The following ACTN2 variants were observed in gnomAD, a reference collection of about 807,000 sequenced individuals.
ACTN2 encodes alpha-actinin-2.
ACTN2 carries 39 observed loss-of-function variants against 113.8 expected under a neutral mutation model. That is an observed-to-expected ratio of 0.34 (90% CI 0.27 to 0.45). The LOEUF (loss-of-function observed/expected upper bound fraction) is 0.45. Ranked by LOEUF, ACTN2 falls within the 20% of genes least tolerant of loss-of-function variation. ACTN2 has a pLI of 1.00. For missense variants in ACTN2, 992 were observed against 1,177.9 expected (o/e 0.84, Z 2.31); for synonymous variants, 429 against 444.1 (o/e 0.97, Z 0.43).
intron 17 of ACTN2, 120 bp downstream of exon 17, chr1:236,755,318 G>A (rs1421294532): frequency 8.3e-7 from 1 of 1,202,330 alleles, no homozygotes; most frequent in Non-Finnish European, 1.2e-6. Flanking sequence ...AAGTATGAAA[G>A]TTAGGGATCT....
chr1:236,751,768 G>A, intron 15 of ACTN2, 116 bp downstream of exon 15: 2 of 1,280,172 alleles, frequency 1.6e-6, no homozygotes, highest in South Asian at 2.5e-5. Context: ...TCATGATCAG[G>A]ATTTTCCTTT....
At chr1:236,687,133 A>G (rs1204652035) in intron 1 of ACTN2, among the ~76,000 whole-genome samples, 1 of 151,884 alleles carries the variant, frequency 6.6e-6, no homozygotes, top group Non-Finnish European at 1.5e-5. Flanking sequence ...CCCCCGAGTT[A>G]TACTCTCCTG....
At chr1:236,704,234 CT>C (rs1014874179) in intron 1 of ACTN2, among the ~76,000 whole-genome samples, 6 of 152,168 alleles carry the variant, frequency 3.9e-5, no homozygotes, top group African/African-American at 1.4e-4. Context: ...CACTCTCTGT[CT>C]TCATGGAAGT....
intron 1 of ACTN2, among the ~76,000 whole-genome samples, chr1:236,717,432 C>A (rs1450670895): frequency 1.3e-5 from 2 of 152,050 alleles, no homozygotes; most frequent in Non-Finnish European, 2.9e-5. Flanking sequence ...GCTGGATGAC[C>A]CTGTCTCCAA....
chr1:236,753,860 C>CCCCCCAAAGAAAAAA, intron 15 of ACTN2, 87 bp from the exon 16 acceptor site: 1 of 1,320,870 alleles, frequency 7.6e-7, no homozygotes, highest in Non-Finnish European at 1.1e-6. Context: ...CTCCCACCCC[C>CCCCCCAAAGAAAAAA]ACCCCTTGGA....
At chr1:236,725,644 G>A (rs1658526571) in intron 4 of ACTN2, among the ~76,000 whole-genome samples, 1 of 139,460 alleles carries the variant, frequency 7.2e-6, no homozygotes, top group Admixed American at 7.1e-5. Flanking sequence ...ATTAAAAAAA[G>A]TATTTTCATT....
chr1:236,715,360 A>T (rs577136348), intron 1 of ACTN2, among the ~76,000 whole-genome samples: 137 of 137,094 alleles, frequency 1.0e-3, no homozygotes, highest in African/African-American at 3.5e-3. Flanking sequence ...CCTATTACTC[A>T]TTCAAAAAAT....
intron 1 of ACTN2, among the ~76,000 whole-genome samples, chr1:236,700,369 AG>A (rs1558223537): frequency 6.6e-6 from 1 of 152,016 alleles, no homozygotes. Flanking sequence ...ATATTTTTAG[AG>A]GTGACTTTTC....
At position 236,704,285 on chromosome 1, in the gene ACTN2, C is replaced by T. The variant is rs75060794; in HGVS notation, c.127-13573C>T. On this transcript the variant is annotated intron_variant, in intron 1 of 20. Transcript: ENST00000366578. ...ACTCAAACTGTGTTTTCTCTTCTCA[C>T]ACCACAACAGTCAACCCAGAAGACT... 6.5e-3 allele frequency among the ~76,000 whole-genome samples: 989 copies of T among 152,328 alleles called. 8 individuals are homozygous for T. The highest frequency in any genetic ancestry group is 0.023 in the African/African-American group (950 of 41,574).
chr1:236,704,232 G>T (rs1417529697), intron 1 of ACTN2, among the ~76,000 whole-genome samples: 1 of 152,144 alleles, frequency 6.6e-6, no homozygotes, highest in South Asian at 2.1e-4. Context: ...ATCACTCTCT[G>T]TCTTCATGGA....
intron 11 of ACTN2, 121 bp from the exon 12 acceptor site, chr1:236,744,505 G>GCATCTCTGGCCTGCATCTTCAGTCCT: frequency 4.1e-6 from 5 of 1,214,640 alleles, no homozygotes; most frequent in Non-Finnish European, 5.9e-6. Flanking sequence ...CTTCAGTCCT[G>GCATCTCTGGCCTGCATCTTCAGTCCT]CCCCTCTCTG....
chr1:236,708,710 G>T (rs897073109), intron 1 of ACTN2, among the ~76,000 whole-genome samples: 3 of 152,176 alleles, frequency 2.0e-5, no homozygotes, highest in Non-Finnish European at 2.9e-5. Flanking sequence ...GGCCTTGCTG[G>T]CTGGGGGGAT....
intron 20 of ACTN2, among the ~76,000 whole-genome samples, chr1:236,761,971 G>A (rs958757836): frequency 2.0e-5 from 3 of 152,162 alleles, no homozygotes; most frequent in Admixed American, 6.5e-5. Context: ...TAGAAGGTAA[G>A]AAACCATGGC....
At chr1:236,706,274 A>G (rs1657821791) in intron 1 of ACTN2, among the ~76,000 whole-genome samples, 1 of 152,168 alleles carries the variant, frequency 6.6e-6, no homozygotes, top group African/African-American at 2.4e-5. Flanking sequence ...GTTGACTTGT[A>G]TCCTCTTTGA....
At position 236,721,022 on chromosome 1, in the gene ACTN2, GTT is replaced by G. The variant is rs869077774; in HGVS notation, c.448+853_448+854del. 3.3e-3 allele frequency among the ~76,000 whole-genome samples: 221 copies of G among 66,496 alleles called. 44 individuals carry two copies. The highest frequency in any genetic ancestry group is 4.6e-3 in the African/African-American group (74 of 16,044). 43.6% of individuals were successfully genotyped at this position (66,496 alleles called of 152,430 possible). ...CCTCTGACTCTGGTTTTTGTTTTTT[GTT>G]TTTTTTTTTTTTTTTTTTTTTGAGA... On this transcript the variant is annotated intron_variant, in intron 4 of 20. Coordinates refer to ENST00000366578, the MANE Select transcript of ACTN2 (RefSeq NM_001103.4).
Position 236,686,591 on chromosome 1 carries a change from G to C in ACTN2, c.-83G>C. 1 of 1,400,376 alleles carries C rather than the reference G, an allele frequency of 7.1e-7. No individual in the cohort carries two copies. Among genetic ancestry groups the C allele is most frequent in the Admixed American group, 3.4e-5 (1 of 29,244 alleles). 86.7% of individuals were successfully genotyped at this position (1,400,376 alleles called of 1,614,324 possible). A position where few individuals can be genotyped will look rare whatever the true frequency, so the allele number is the denominator to read the frequency against. ...ACCCCGCGCCCGCCGCCCGCCGCCC[G>C]CCGCCTCCGTGGGTCCGTTTGCCAG... On this transcript the variant is annotated 5_prime_UTR_variant, in exon 1 of 21. Transcript: ENST00000366578.
At chr1:236,692,111 C>G (rs1228982653) in intron 1 of ACTN2, among the ~76,000 whole-genome samples, 1 of 152,180 alleles carries the variant, frequency 6.6e-6, no homozygotes, top group Non-Finnish European at 1.5e-5. Flanking sequence ...CAGGCAAAAG[C>G]CTGTTATGGG....
At chr1:236,705,076 C>T (rs1417599860) in intron 1 of ACTN2, among the ~76,000 whole-genome samples, 1 of 152,082 alleles carries the variant, frequency 6.6e-6, no homozygotes, top group Non-Finnish European at 1.5e-5. Context: ...AATTAGAGTC[C>T]CTCCAGGGAA....
At chr1:236,759,262 A>G (rs1371753349) in intron 18 of ACTN2, among the ~76,000 whole-genome samples, 4 of 152,194 alleles carry the variant, frequency 2.6e-5, no homozygotes, top group Non-Finnish European at 4.4e-5. Context: ...GTACACAACC[A>G]TCTCTTGTTG....
Sources: allele counts gnomAD v4.1 joint callset (sites outside exome capture counted in the v4.1 genomes callset), GRCh38; gene constraint gnomAD v4.1.1; transcripts MANE v1.5; gene names NCBI Gene and HGNC (gene_info 2026-07-23, HGNC 2026-07-21).